GRM7: variants seen among roughly 807,000 people sequenced by gnomAD.
GRM7 encodes the protein metabotropic glutamate receptor 7.
GRM7 carries 35 observed loss-of-function variants against 84.5 expected under a neutral mutation model. The observed-to-expected ratio is 0.41, with a 90% confidence interval of 0.32 to 0.55. GRM7 has a LOEUF of 0.55. Among genes scored for constraint, GRM7 ranks in the 20% least tolerant of loss-of-function variants. The pLI, the probability that GRM7 is intolerant of heterozygous loss-of-function variation, is 0.19. For synonymous variants in GRM7, 487 were observed against 455.1 expected (o/e 1.07, Z -0.89); for missense variants, 1,003 against 1,194.6 (o/e 0.84, Z 2.36).
intron 7 of GRM7, among the ~76,000 whole-genome samples, chr3:7,463,004 G>GC (rs34520555): frequency 0.12 from 18,003 of 152,156 alleles, 1,095 homozygotes; most frequent in South Asian, 0.25. Context: ...AACTCAAGGT[G>GC]GGGGAGTAGT....
intron 4 of GRM7, among the ~76,000 whole-genome samples, chr3:7,337,793 A>T (rs1828160): frequency 0.65 from 99,126 of 151,800 alleles, 33,351 homozygotes; most frequent in African/African-American, 0.83. Flanking sequence ...GGGAACACTT[A>T]TACATTGCTG....
intron 1 of GRM7, among the ~76,000 whole-genome samples, chr3:6,896,214 C>T (rs956878606): frequency 1.3e-5 from 2 of 152,020 alleles, no homozygotes; most frequent in Admixed American, 6.6e-5. Context: ...TGAAAGTATT[C>T]CCACGCCTGC....
chr3:7,680,219 G>A lies in GRM7; in HGVS notation c.2622G>A (p.Ser874=), dbSNP rs149426913. The part of the protein sequence containing the change: ...KAVVTAATMS[S]RLSHKPSDRP... Reference sequence around the variant, plus strand: ...TAGTCACAGCAGCCACCATGTCATCGAGGCTGTCACACAAACCCAGTGACA... The same window carrying A: ...TAGTCACAGCAGCCACCATGTCATCAAGGCTGTCACACAAACCCAGTGACA... The change falls in exon 9 of 10, where the codon TCG becomes TCA. Residue 874 remains serine, a synonymous_variant. Transcript: ENST00000357716. The A allele has an allele frequency of 1.2e-5, 20 of 1,614,124 alleles. No individual in the cohort carries two copies. The African/African-American group carries it at 1.6e-4, about 13-fold the overall frequency.
At position 7,180,503 on chromosome 3, in the gene GRM7, A is replaced by T. The variant is rs573234504; in HGVS notation, c.736+33835A>T. Among the ~76,000 whole-genome samples, 11 of 152,288 alleles carry T rather than the reference A, an allele frequency of 7.2e-5. No individual in the cohort carries two copies. In the East Asian group the frequency reaches 1.9e-3, roughly 27 times the overall value. ...ACCTACATTTTAATATCCCCCGGCA[A>T]CTGCAGCAGTCACCTTCAATGGGTA... On this transcript the variant is annotated intron_variant, in intron 2 of 9. Coordinates refer to ENST00000357716, the MANE Select transcript of GRM7 (RefSeq NM_000844.4).
chr3:7,094,136 T>A (rs1698772157), intron 1 of GRM7, among the ~76,000 whole-genome samples: 1 of 152,114 alleles, frequency 6.6e-6, no homozygotes, highest in East Asian at 1.9e-4. Context: ...AAAGAGTTTA[T>A]ATTTCAGTGA....
In GRM7 at chr3:7,152,696, A is replaced by T. The variant is rs1297066223; in HGVS notation, c.736+6028A>T. 2.0e-5 allele frequency among the ~76,000 whole-genome samples: 3 copies of T among 152,332 alleles called. 1 individual carries two copies. In the South Asian group the frequency reaches 6.2e-4, roughly 32 times the overall value. ...TCTTACTCAGTCTTCCTCTTTTGGAATTCATGGTCCTCTTTTGGATTGTGA... is the reference window on the plus strand; with the variant it reads ...TCTTACTCAGTCTTCCTCTTTTGGATTTCATGGTCCTCTTTTGGATTGTGA... On this transcript the variant is annotated intron_variant, in intron 2 of 9. Coordinates refer to ENST00000357716, the MANE Select transcript of GRM7 (RefSeq NM_000844.4).
At chr3:6,902,133 C>T (rs1696408485) in intron 1 of GRM7, among the ~76,000 whole-genome samples, 1 of 152,158 alleles carries the variant, frequency 6.6e-6, no homozygotes, top group South Asian at 2.1e-4. Flanking sequence ...TTCACTTCAA[C>T]CAGACCACCC....
intron 2 of GRM7, among the ~76,000 whole-genome samples, chr3:7,205,161 C>T (rs952688441): frequency 6.6e-6 from 1 of 152,112 alleles, no homozygotes; most frequent in African/African-American, 2.4e-5. Flanking sequence ...CAGTTGTTTC[C>T]AAACATCACA....
At chr3:7,456,042 T>A (rs960854102) in intron 6 of GRM7, among the ~76,000 whole-genome samples, 15 of 152,124 alleles carry the variant, frequency 9.9e-5, no homozygotes, top group African/African-American at 3.6e-4. Context: ...TTTCTGTATT[T>A]TTTTCTTGAT....
chr3:7,160,151 A>G (rs922950488), intron 2 of GRM7, among the ~76,000 whole-genome samples: 1 of 152,084 alleles, frequency 6.6e-6, no homozygotes, highest in African/African-American at 2.4e-5. Flanking sequence ...CCCCATCTCT[A>G]TGTGGGAGCT....
intron 2 of GRM7, among the ~76,000 whole-genome samples, chr3:7,181,945 A>T (rs982137099): frequency 6.6e-6 from 1 of 152,172 alleles, no homozygotes; most frequent in Non-Finnish European, 1.5e-5. Flanking sequence ...CTTAAAAAAG[A>T]AGTAGAATTT....
intron 2 of GRM7, among the ~76,000 whole-genome samples, chr3:7,284,640 G>A (rs1699368032): frequency 6.6e-6 from 1 of 152,008 alleles, no homozygotes; most frequent in African/African-American, 2.4e-5. Context: ...TCATGAGGGA[G>A]TTAAATATTT....
intron 7 of GRM7, among the ~76,000 whole-genome samples, chr3:7,545,085 G>T (rs1693081531): frequency 1.3e-5 from 2 of 152,198 alleles, no homozygotes; most frequent in South Asian, 4.1e-4. Context: ...ATCAATTGAT[G>T]GATTGAGGAT....
intron 8 of GRM7, among the ~76,000 whole-genome samples, chr3:7,671,878 G>A (rs1183251998): frequency 6.6e-6 from 1 of 152,060 alleles, no homozygotes; most frequent in African/African-American, 2.4e-5. Flanking sequence ...AATGGTAAAT[G>A]AGGTAGGAGT....
intron 8 of GRM7, among the ~76,000 whole-genome samples, chr3:7,646,058 C>T (rs554786538): frequency 8.5e-5 from 13 of 152,334 alleles, no homozygotes; most frequent in South Asian, 4.1e-4. Flanking sequence ...TTAAATCTAA[C>T]GAGCAGCTCA....
At chr3:7,553,677 T>A (rs185169854) in intron 7 of GRM7, among the ~76,000 whole-genome samples, 1 of 152,240 alleles carries the variant, frequency 6.6e-6, no homozygotes, top group Non-Finnish European at 1.5e-5. Context: ...AAAAGCCTCC[T>A]ATAAAACCAT....
At chr3:7,480,951 G>T (rs1474926126) in intron 7 of GRM7, among the ~76,000 whole-genome samples, 1 of 152,196 alleles carries the variant, frequency 6.6e-6, no homozygotes, top group Admixed American at 6.5e-5. Flanking sequence ...ATTTAAAAAT[G>T]GGAGTATATT....
intron 7 of GRM7, among the ~76,000 whole-genome samples, chr3:7,522,147 G>A (rs1700620308): frequency 6.6e-6 from 1 of 152,114 alleles, no homozygotes; most frequent in East Asian, 1.9e-4. Flanking sequence ...GAAATAAAGG[G>A]AAAATGGTGG....
At chr3:7,050,855 G>C (rs1042203146) in intron 1 of GRM7, among the ~76,000 whole-genome samples, 7 of 151,768 alleles carry the variant, frequency 4.6e-5, no homozygotes, top group Admixed American at 1.3e-4. Context: ...TTTCCCCACA[G>C]TGTTTGATTC....
Sources: allele counts gnomAD v4.1 joint callset (sites outside exome capture counted in the v4.1 genomes callset), GRCh38; gene constraint gnomAD v4.1.1; transcripts MANE v1.5; gene names NCBI Gene and HGNC (gene_info 2026-07-23, HGNC 2026-07-21).